PTPN1: variants seen among roughly 807,000 people sequenced by gnomAD.
PTPN1 encodes protein tyrosine phosphatase non-receptor type 1, also known as tyrosine-protein phosphatase non-receptor type 1.
PTPN1 carries 12 observed loss-of-function variants against 59.9 expected under a neutral mutation model. The ratio of observed to expected loss-of-function variants is 0.20; its 90% CI spans 0.13 to 0.32. PTPN1 has a LOEUF of 0.32. Among genes scored for constraint, PTPN1 ranks in the 10% least tolerant of loss-of-function variants. The pLI, the probability that PTPN1 is intolerant of heterozygous loss-of-function variation, is 1.00. For synonymous variants in PTPN1, 178 were observed against 203.6 expected (o/e 0.87, Z 1.07); for missense variants, 356 against 549.2 (o/e 0.65, Z 3.52).
intron 8 of PTPN1, 151 bp from the exon 9 acceptor site, chr20:50,581,114 G>A: frequency 7.4e-7 from 1 of 1,343,528 alleles, no homozygotes; most frequent in Non-Finnish European, 9.7e-7. Context: ...CTCCCTCCAA[G>A]CAGAGGGGGC....
At chr20:50,550,416 C>A (rs1341161560) in intron 1 of PTPN1, among the ~76,000 whole-genome samples, 1 of 152,196 alleles carries the variant, frequency 6.6e-6, no homozygotes, top group Non-Finnish European at 1.5e-5. Context: ...AGATCACTTT[C>A]AAAAATTACT....
intron 8 of PTPN1, among the ~76,000 whole-genome samples, chr20:50,580,825 C>T (rs1359592846): frequency 6.6e-6 from 1 of 152,178 alleles, no homozygotes; most frequent in Non-Finnish European, 1.5e-5. Context: ...AACCAGGGAC[C>T]TGATCAATTA....
At chr20:50,543,549 T>G (rs1441128715) in intron 1 of PTPN1, among the ~76,000 whole-genome samples, 1 of 152,196 alleles carries the variant, frequency 6.6e-6, no homozygotes, top group Non-Finnish European at 1.5e-5. Context: ...GGATGCAGCC[T>G]TTCGAGCTGC....
intron 1 of PTPN1, among the ~76,000 whole-genome samples, chr20:50,532,846 A>G (rs914978941): frequency 1.3e-5 from 2 of 152,056 alleles, no homozygotes; most frequent in African/African-American, 4.8e-5. Context: ...TGGAGTACAG[A>G]CTGGGTCCAG....
chr20:50,563,789 G>C (rs986423338), intron 2 of PTPN1, among the ~76,000 whole-genome samples: 1 of 152,016 alleles, frequency 6.6e-6, no homozygotes, highest in Non-Finnish European at 1.5e-5. Context: ...AGAAATAAAG[G>C]TCCCCACCTG....
chr20:50,523,737 T>C (rs138801480), intron 1 of PTPN1, among the ~76,000 whole-genome samples: 2 of 152,176 alleles, frequency 1.3e-5, no homozygotes, highest in Non-Finnish European at 2.9e-5. Flanking sequence ...ATAAGAGCTC[T>C]TACAGGCCTA....
rs188898475 is a variant in PTPN1 at position 50,514,272 on chromosome 20, A to C, written c.63+3682A>C. ...AGTTATCTGCCGTTACTTCTCCTCC[A>C]TTTTGCATTTTATCTTGAATAGCTC... On this transcript the variant is annotated intron_variant, in intron 1 of 9. Coordinates refer to ENST00000371621, the MANE Select transcript of PTPN1 (RefSeq NM_002827.4). Among the ~76,000 whole-genome samples the C allele has an allele frequency of 6.6e-5, 10 of 152,292 alleles. No homozygotes were observed. In the East Asian group the frequency reaches 1.9e-3, roughly 29 times the overall value.
At chr20:50,541,117 G>A (rs953727555) in intron 1 of PTPN1, among the ~76,000 whole-genome samples, 2 of 152,158 alleles carry the variant, frequency 1.3e-5, no homozygotes, top group African/African-American at 2.4e-5. Flanking sequence ...TCCGAGAAAT[G>A]TTTCTCTCAA....
At chr20:50,534,630 C>T (rs1200999006) in intron 1 of PTPN1, among the ~76,000 whole-genome samples, 8 of 152,034 alleles carry the variant, frequency 5.3e-5, no homozygotes, top group African/African-American at 1.7e-4. Flanking sequence ...ATATTTGTAT[C>T]TATTCCTTAG....
intron 1 of PTPN1, among the ~76,000 whole-genome samples, chr20:50,532,182 A>T (rs2082604367): frequency 6.6e-6 from 1 of 152,260 alleles, no homozygotes; most frequent in South Asian, 2.1e-4. Context: ...ATAGAACAGC[A>T]GGTTTTTGTG....
intron 1 of PTPN1, among the ~76,000 whole-genome samples, chr20:50,541,286 G>A (rs1300961564): frequency 6.6e-6 from 1 of 152,166 alleles, no homozygotes; most frequent in East Asian, 1.9e-4. Context: ...GTTTGCCATC[G>A]TCATCATCAT....
chr20:50,541,494 G>A (rs188310315), intron 1 of PTPN1, among the ~76,000 whole-genome samples: 1 of 152,274 alleles, frequency 6.6e-6, no homozygotes, highest in African/African-American at 2.4e-5. Context: ...CTTCTGGGAA[G>A]CCTCTCCAGG....
chr20:50,568,488 G>A lies in PTPN1; in HGVS notation c.354+10G>A, dbSNP rs763216344. On this transcript the variant is annotated intron_variant, in intron 4 of 9. Transcript: ENST00000371621. The surrounding 1 kb of genome is among the most constrained non-coding windows in gnomAD (Gnocchi z 5.6). The stretch of plus-strand genomic sequence containing the variant: ...GATGGAGAAAGGTTCGGTAAGTCTC[G>A]GCTTCATTTGCTGTGTATGTGATCA... 5 of 1,606,274 alleles carry A rather than the reference G, an allele frequency of 3.1e-6. No homozygotes were observed. The highest frequency in any genetic ancestry group is 1.1e-5 in the South Asian group (1 of 90,888).
intron 1 of PTPN1, among the ~76,000 whole-genome samples, chr20:50,520,522 T>C (rs533919759): frequency 1.1e-3 from 161 of 152,310 alleles, no homozygotes; most frequent in Non-Finnish European, 1.7e-3. Flanking sequence ...TTGTAAAAGA[T>C]TATGACCACG....
intron 1 of PTPN1, among the ~76,000 whole-genome samples, chr20:50,549,386 G>A (rs1301973926): frequency 1.3e-5 from 2 of 152,148 alleles, no homozygotes; most frequent in East Asian, 3.8e-4. Context: ...CTTGATTTGT[G>A]GGGAGTTTGT....
rs1424527605 is a variant in PTPN1, at chr20:50,579,778, A to G, written c.940A>G (p.Lys314Glu). 1 of 1,611,486 alleles carries G rather than the reference A, an allele frequency of 6.2e-7. No homozygotes were observed. ...EHIPPPPRPP[K>E]RILEPHNGKC... ...TATCCCCCCACCTCCCCGGCCACCC[A>G]AACGAATCCTGGAGCCACACAATGG... Residue 314 changes from lysine to glutamate, a missense_variant, in exon 8 of 10, where the codon AAA becomes GAA. Around this residue, in one of 3 missense-constraint regions of PTPN1, gnomAD observed 100 missense variants for 107.7 expected, o/e 0.93. Transcript: ENST00000371621.
At chr20:50,538,038 T>C (rs1285469992) in intron 1 of PTPN1, among the ~76,000 whole-genome samples, 1 of 152,158 alleles carries the variant, frequency 6.6e-6, no homozygotes, top group African/African-American at 2.4e-5. Flanking sequence ...TCGAGCTTTC[T>C]CCACTGGCTG....
At chr20:50,518,982 G>A (rs957978123) in intron 1 of PTPN1, among the ~76,000 whole-genome samples, 3 of 152,010 alleles carry the variant, frequency 2.0e-5, no homozygotes, top group Non-Finnish European at 4.4e-5. Flanking sequence ...TACCTATCAT[G>A]GTGTCATTTC....
intron 1 of PTPN1, among the ~76,000 whole-genome samples, chr20:50,520,031 G>A (rs1016733595): frequency 1.5e-4 from 23 of 152,104 alleles, no homozygotes; most frequent in African/African-American, 5.3e-4. Context: ...TATTTTCTCA[G>A]TACTTTGGAA....
Sources: gnomAD v4.1 joint callset for allele counts (sites outside exome capture counted in the v4.1 genomes callset) on GRCh38, gnomAD v4.1.1 for gene constraint, gnomAD v4.1.1 regional missense constraint, Gnocchi (gnomAD v3.1) non-coding constraint, MANE v1.5 for transcripts, NCBI Gene and HGNC (gene_info 2026-07-23, HGNC 2026-07-21) for gene names.